Variants in CAND1 observed in about 807,000 individuals in gnomAD.
CAND1 encodes the protein cullin associated and neddylation dissociated 1.
CAND1 carries 7 observed loss-of-function variants against 108.5 expected under a neutral mutation model. The observed-to-expected ratio is 0.06, with a 90% CI of 0.04 to 0.12. CAND1 has a LOEUF of 0.12. CAND1 is among the 10% of genes least tolerant of loss of function. The probability of loss-of-function intolerance (pLI) is 1.00; values close to 1 mark genes in which losing one functional copy is unlikely to be tolerated. For synonymous variants in CAND1, 534 were observed against 512.0 expected, an observed-to-expected ratio of 1.04 and a Z score of -0.58; for missense variants, 941 against 1,448.7, an observed-to-expected ratio of 0.65 and a Z score of 5.69.
At chr12:67,292,862 G>GGAA in intron 3 of CAND1, 86 bp downstream of exon 3, 1 of 1,302,248 alleles carries the variant, frequency 7.7e-7, no homozygotes, top group Non-Finnish European at 1.1e-6. Context: ...GCCAAGGAGG[G>GGAA]AGGGAGGTGG....
At chr12:67,283,034 C>T (rs553343964) in intron 2 of CAND1, among the ~76,000 whole-genome samples, 1 of 152,076 alleles carries the variant, frequency 6.6e-6, no homozygotes, top group African/African-American at 2.4e-5. Flanking sequence ...TTAGTATAAC[C>T]TTTAGCCTCA....
chr12:67,273,834 C>T (rs2044545731), intron 1 of CAND1, among the ~76,000 whole-genome samples: 1 of 152,108 alleles, frequency 6.6e-6, no homozygotes, highest in African/African-American at 2.4e-5. Context: ...TCCAAGGAAT[C>T]AAGAGCTAAA....
At chr12:67,278,062 G>C (rs1388940528) in intron 1 of CAND1, among the ~76,000 whole-genome samples, 1 of 152,080 alleles carries the variant, frequency 6.6e-6, no homozygotes, top group African/African-American at 2.4e-5. Flanking sequence ...ATCCTGATAT[G>C]GTCTACAAAT....
Position 67,305,221 on chromosome 12 carries a change from A to G in CAND1, c.1553A>G (p.Gln518Arg), listed in dbSNP as rs1459719217. 2.5e-6 allele frequency: 4 copies of G among 1,614,160 alleles called. No homozygotes were observed. The highest frequency in any genetic ancestry group is 3.4e-6 in the Non-Finnish European group (4 of 1,180,022). The change falls in exon 10 of 15, where the codon CAG becomes CGG. Residue 518 changes from glutamine (Q) to arginine (R), a missense_variant. Physicochemically the swap from Gln to Arg is conservative, Grantham distance 43. Coordinates refer to ENST00000545606, the MANE Select transcript of CAND1 (RefSeq NM_018448.5). The surrounding 1 kb of genome is among the most constrained non-coding windows in gnomAD (Gnocchi z 4.4). The part of the protein sequence containing the change: ...HSPQVFHPHV[Q>R]ALVPPVVACV... ...CCTCAAGTCTTCCATCCTCACGTTC[A>G]GGCTTTGGTTCCTCCAGTGGTGGCT...
chr12:67,286,991 G>C (rs1285180379), intron 2 of CAND1, among the ~76,000 whole-genome samples: 1 of 152,188 alleles, frequency 6.6e-6, no homozygotes, highest in African/African-American at 2.4e-5. Context: ...TTTAGATGCT[G>C]TTTTGTTCCA....
intron 1 of CAND1, 95 bp downstream of exon 1, chr12:67,269,880 C>T (rs1447697236): frequency 9.7e-7 from 1 of 1,032,764 alleles, no homozygotes; most frequent in Non-Finnish European, 1.4e-6. Flanking sequence ...TCGGCCGTAG[C>T]CGGTAGCTTC....
At chr12:67,290,735 A>G (rs1169053808) in intron 2 of CAND1, among the ~76,000 whole-genome samples, 2 of 152,136 alleles carry the variant, frequency 1.3e-5, no homozygotes, top group Non-Finnish European at 2.9e-5. Flanking sequence ...AATAATTTTG[A>G]ATACAGTGAC....
In CAND1 at chr12:67,313,615, T is replaced by C. The variant is rs1026217099; in HGVS notation, c.*785T>C. The C allele has an allele frequency of 6.6e-6, 1 of 152,636 alleles. No individual in the cohort carries two copies. Among genetic ancestry groups the C allele is most frequent in the Non-Finnish European group, 1.5e-5 (1 of 68,018 alleles). The allele number at this position is 152,636 out of a possible 1,614,324, so 9.5% of individuals were successfully genotyped here. On this transcript the variant is annotated 3_prime_UTR_variant, in exon 15 of 15. Coordinates refer to ENST00000545606, the MANE Select transcript of CAND1 (RefSeq NM_018448.5). ...CTTAATGCCAGTGTGAATTTGCAGA[T>C]GTTTTCAGAAAATCAAGTCACAGTA...
chr12:67,304,157 T>G (rs1017326240), intron 8 of CAND1, among the ~76,000 whole-genome samples: 1 of 148,820 alleles, frequency 6.7e-6, no homozygotes, highest in Non-Finnish European at 1.5e-5. Flanking sequence ...GCCCAGCTAA[T>G]TTTTGTATTT....
In CAND1 at chr12:67,306,476, A is replaced by G; in HGVS notation, c.2808A>G (p.Leu936=). The G allele has an allele frequency of 6.2e-7, 1 of 1,614,042 alleles. No homozygotes were observed. Among genetic ancestry groups the G allele is most frequent in the Middle Eastern group, 1.6e-4 (1 of 6,062 alleles). Residue 936 remains leucine (L), a synonymous_variant, in exon 10 of 15, where the codon TTA becomes TTG. Transcript: ENST00000545606. ...ATGTTGAAAACATCTGGGCCTTATT[A>G]CTAAAGCACTGTGAGTGTGCAGAGG... is the stretch of plus-strand genomic sequence containing the variant. ...KPYVENIWAL[L]LKHCECAEEG...
rs768699131 is a variant in CAND1 at position 67,310,327 on chromosome 12, T to G, written c.3360+11T>G. ...CATTATGATATTAAGGTAAGATGTT[T>G]GTGCCTATTTATACAATGTTTTAGA... On this transcript the variant is annotated intron_variant, in intron 13 of 14. Transcript: ENST00000545606. 3 of 1,576,390 alleles carry G rather than the reference T, an allele frequency of 1.9e-6. No homozygotes were observed. The South Asian group carries it at 3.4e-5, about 18-fold the overall frequency.
At chr12:67,274,698 C>T (rs74968770) in intron 1 of CAND1, among the ~76,000 whole-genome samples, 3,283 of 152,238 alleles carry the variant, frequency 0.022, 60 homozygotes, top group Non-Finnish European at 0.035. Context: ...TAAAATAATT[C>T]ACCCCATTTT....
At chr12:67,273,257 T>G (rs953543443) in intron 1 of CAND1, among the ~76,000 whole-genome samples, 6 of 152,266 alleles carry the variant, frequency 3.9e-5, no homozygotes, top group Admixed American at 3.9e-4. Flanking sequence ...GTACTGAGAC[T>G]TTTTGCCAGA....
At chr12:67,307,781 T>A (rs1426515055) in intron 11 of CAND1, among the ~76,000 whole-genome samples, 1 of 151,998 alleles carries the variant, frequency 6.6e-6, no homozygotes, top group East Asian at 1.9e-4. Flanking sequence ...ATAGCTTTAG[T>A]GGATAAAGCA....
intron 2 of CAND1, among the ~76,000 whole-genome samples, chr12:67,292,299 T>C (rs762024865): frequency 5.3e-5 from 8 of 152,138 alleles, no homozygotes; most frequent in Non-Finnish European, 8.8e-5. Context: ...AGTGAGACCC[T>C]GTCTCTCAAA....
In CAND1 at chr12:67,306,809, A is replaced by T. The variant is rs375169996; in HGVS notation, c.2929+212A>T. On this transcript the variant is annotated intron_variant, in intron 10 of 14. Transcript: ENST00000545606. Reference sequence around the variant, plus strand: ...TAGTGTGGTAATTAGATAATGGTTAAATCTGTTCTAATTCCTCATGATAAC... The same window carrying T: ...TAGTGTGGTAATTAGATAATGGTTATATCTGTTCTAATTCCTCATGATAAC... Among the ~76,000 whole-genome samples, 10 of 152,294 alleles carry T rather than the reference A, an allele frequency of 6.6e-5. No homozygotes were observed. In the East Asian group the frequency reaches 1.5e-3, roughly 24 times the overall value.
At chr12:67,288,636 A>G (rs567395143) in intron 2 of CAND1, among the ~76,000 whole-genome samples, 3 of 152,350 alleles carry the variant, frequency 2.0e-5, no homozygotes, top group Non-Finnish European at 2.9e-5. Flanking sequence ...TGTAAAGACT[A>G]TTGCAATAGG....
intron 2 of CAND1, among the ~76,000 whole-genome samples, chr12:67,284,496 T>G (rs940325812): frequency 6.6e-6 from 1 of 152,172 alleles, no homozygotes; most frequent in Non-Finnish European, 1.5e-5. Flanking sequence ...GAATCTTGAT[T>G]AAAACAAAAC....
chr12:67,302,203 G>A (rs899326084), intron 7 of CAND1, 120 bp from the exon 8 acceptor site: 3 of 812,500 alleles, frequency 3.7e-6, no homozygotes, highest in African/African-American at 3.4e-5. Flanking sequence ...ACCTGTTGCT[G>A]TATATGTTAC....
Sources: gnomAD v4.1 joint callset for allele counts (sites outside exome capture counted in the v4.1 genomes callset) on GRCh38, gnomAD v4.1.1 for gene constraint, Gnocchi (gnomAD v3.1) non-coding constraint, MANE v1.5 for transcripts, NCBI Gene and HGNC (gene_info 2026-07-23, HGNC 2026-07-21) for gene names.